Variants in PPP4R2 observed in about 807,000 individuals in gnomAD.
PPP4R2 encodes the protein serine/threonine-protein phosphatase 4 regulatory subunit 2.
In PPP4R2, 13 loss-of-function variants were observed where a neutral mutation model predicts 47.2. That is an observed-to-expected ratio of 0.28 (90% confidence interval 0.18 to 0.44). The LOEUF (loss-of-function observed/expected upper bound fraction) is 0.44, where lower values mean the gene tolerates loss of function less well. Among genes scored for constraint, PPP4R2 ranks in the 20% least tolerant of loss-of-function variants. The pLI is 1.00. For synonymous variants in PPP4R2, 151 were observed against 163.3 expected, an observed-to-expected ratio of 0.92 and a Z score of 0.57; for missense variants, 421 against 491.2, an observed-to-expected ratio of 0.86 and a Z score of 1.35.
intron 2 of PPP4R2, chr3:73,015,038 G>A (rs539260694): frequency 4.6e-5 from 26 of 569,646 alleles, no homozygotes; most frequent in Admixed American, 3.7e-4. Flanking sequence ...CTCCTGGCCT[G>A]TTTATTAATA....
intron 2 of PPP4R2, among the ~76,000 whole-genome samples, chr3:73,043,133 A>AT (rs1702412904): frequency 6.6e-6 from 1 of 152,188 alleles, no homozygotes; most frequent in South Asian, 2.1e-4. Flanking sequence ...AAAATTATTA[A>AT]TTTAAGAAAT....
At chr3:73,027,557 A>G (rs1702090015) in intron 2 of PPP4R2, among the ~76,000 whole-genome samples, 1 of 152,078 alleles carries the variant, frequency 6.6e-6, no homozygotes, top group African/African-American at 2.4e-5. Context: ...AGTGGGCTTC[A>G]GGATATTCAT....
chr3:73,067,856 G>A lies in PPP4R2; in HGVS notation c.*2134G>A, dbSNP rs544408846. 9.7e-4 allele frequency: 147 copies of A among 152,238 alleles called. No individual in the cohort carries two copies. The highest frequency in any genetic ancestry group is 3.5e-3 in the African/African-American group (145 of 41,540). 9.4% of individuals were successfully genotyped at this position (152,238 alleles called of 1,614,324 possible). On this transcript the variant is annotated 3_prime_UTR_variant, in exon 9 of 9. Coordinates refer to ENST00000356692, the MANE Select transcript of PPP4R2 (RefSeq NM_174907.4). ...CTTTATTAAATAAAGTACAATAATG[G>A]TGAATGTACCAAAATGACATCACTT...
intron 8 of PPP4R2, 54 bp from the exon 9 acceptor site, chr3:73,065,343 G>C (rs570261876): frequency 1.8e-5 from 26 of 1,484,772 alleles, no homozygotes; most frequent in Non-Finnish European, 2.4e-5. Context: ...AAACTTAACT[G>C]TGGAGGTATT....
intron 2 of PPP4R2, among the ~76,000 whole-genome samples, chr3:73,019,550 T>C (rs998041372): frequency 6.6e-6 from 1 of 152,144 alleles, no homozygotes; most frequent in East Asian, 1.9e-4. Flanking sequence ...ATTTTTGTAT[T>C]TTTAGTAGAG....
rs147685919 is a variant in PPP4R2 at position 72,999,032 on chromosome 3, T to A, written c.116+874T>A. Among the ~76,000 whole-genome samples, 6 of 152,332 alleles carry A rather than the reference T, an allele frequency of 3.9e-5. No homozygotes were observed. In the East Asian group the frequency reaches 1.2e-3, roughly 29 times the overall value. ...GCTTTATTATTAGCAAGTGTTCATT[T>A]CTCACAAGATTTGCTTATTTGTAGT... On this transcript the variant is annotated intron_variant, in intron 2 of 8. Coordinates refer to ENST00000356692, the MANE Select transcript of PPP4R2 (RefSeq NM_174907.4).
intron 2 of PPP4R2, among the ~76,000 whole-genome samples, chr3:73,026,887 G>C (rs998993910): frequency 6.6e-6 from 1 of 152,122 alleles, no homozygotes; most frequent in African/African-American, 2.4e-5. Flanking sequence ...AAGCCATAAA[G>C]CCTGGGTTGA....
In PPP4R2 at chr3:73,065,697, C is replaced by A. The variant is rs756806495; in HGVS notation, c.1229C>A (p.Thr410Asn). 1.2e-6 allele frequency: 2 copies of A among 1,606,040 alleles called. No homozygotes were observed. The highest frequency in any genetic ancestry group is 8.5e-7 in the Non-Finnish European group (1 of 1,173,942). ...AATGATGACGAAGCCACAGAAGTCA[C>A]CGATGAACCAATGGAACAAGACTAA... The part of the protein sequence containing the change: ...MENDDEATEV[T>N]DEPMEQD The change falls in exon 9 of 9, where the codon ACC becomes AAC. Residue 410 changes from threonine to asparagine, a missense_variant. By Grantham distance (65) the Thr-to-Asn change is moderately conservative. Coordinates refer to ENST00000356692, the MANE Select transcript of PPP4R2 (RefSeq NM_174907.4).
At chr3:73,013,024 A>T (rs2107230048) in intron 2 of PPP4R2, among the ~76,000 whole-genome samples, 1 of 150,542 alleles carries the variant, frequency 6.6e-6, no homozygotes, top group Admixed American at 6.6e-5. Context: ...GTAGATACTG[A>T]TACTTTTCTA....
At chr3:73,053,198 G>C (rs9840648) in intron 3 of PPP4R2, among the ~76,000 whole-genome samples, 1 of 152,028 alleles carries the variant, frequency 6.6e-6, no homozygotes, top group Admixed American at 6.5e-5. Context: ...TAGTTAAAAT[G>C]TACTTATTTG....
intron 2 of PPP4R2, among the ~76,000 whole-genome samples, chr3:73,028,866 G>A (rs1274133475): frequency 6.6e-6 from 1 of 152,296 alleles, no homozygotes; most frequent in Admixed American, 6.5e-5. Context: ...GGAGGTAAAG[G>A]GAATGGGGGA....
chr3:73,042,974 C>T (rs1044726610), intron 2 of PPP4R2, among the ~76,000 whole-genome samples: 6 of 152,132 alleles, frequency 3.9e-5, no homozygotes, highest in African/African-American at 9.7e-5. Context: ...TACCTCTTGT[C>T]TGGCTGTTCC....
chr3:73,066,262 A>ATATATATATATATATATAT lies in PPP4R2; in HGVS notation c.*540_*541insTATATATATATATATATAT. 6.3e-5 allele frequency: 9 copies of ATATATATATATATATATAT among 143,926 alleles called. No homozygotes were observed. Among genetic ancestry groups the ATATATATATATATATATAT allele is most frequent in the East Asian group, 2.0e-4 (1 of 5,086 alleles). 8.9% of individuals were successfully genotyped at this position (143,926 alleles called of 1,614,324 possible). On this transcript the variant is annotated 3_prime_UTR_variant, in exon 9 of 9. Coordinates refer to ENST00000356692, the MANE Select transcript of PPP4R2 (RefSeq NM_174907.4). ...TACATATATATATATATATATATAT[A>ATATATATATATATATATAT]ATTCTAAGGGGGGAAATGTTATATT...
At chr3:73,018,407 C>T (rs112929454) in intron 2 of PPP4R2, among the ~76,000 whole-genome samples, 6 of 96,026 alleles carry the variant, frequency 6.2e-5, no homozygotes, top group South Asian at 3.8e-4. Flanking sequence ...CTGTCATAGT[C>T]GTTATGTTAT....
At chr3:73,006,656 C>T (rs1423589914) in intron 2 of PPP4R2, among the ~76,000 whole-genome samples, 1 of 152,120 alleles carries the variant, frequency 6.6e-6, no homozygotes, top group African/African-American at 2.4e-5. Context: ...TGGGGCTTAC[C>T]TCTAGATTGG....
intron 2 of PPP4R2, among the ~76,000 whole-genome samples, chr3:73,036,228 G>A (rs1349814965): frequency 6.6e-6 from 1 of 152,118 alleles, no homozygotes; most frequent in African/African-American, 2.4e-5. Flanking sequence ...GTAGAATGAG[G>A]GTTATCAGAG....
At position 73,004,867 on chromosome 3, in the gene PPP4R2, GTGTTTGTT is replaced by G. The variant is rs10574001; in HGVS notation, c.116+6721_116+6728del. Among the ~76,000 whole-genome samples the G allele has an allele frequency of 5.1e-3, 398 of 78,590 alleles. 11 individuals carry two copies. The East Asian group carries it at 0.069, about 14-fold the overall frequency. The allele number at this position is 78,590 out of a possible 152,430, so 51.6% of individuals were successfully genotyped here. On this transcript the variant is annotated intron_variant, in intron 2 of 8. Transcript: ENST00000356692. ...GGGGTGTGTGTGTGTGTGTGTGTGT[GTGTTTGTT>G]TGTTTGTTTGTGTGTGTGTGTTTTG...
intron 2 of PPP4R2, among the ~76,000 whole-genome samples, chr3:73,006,824 C>G (rs1321292746): frequency 6.6e-6 from 1 of 152,176 alleles, no homozygotes; most frequent in Non-Finnish European, 1.5e-5. Flanking sequence ...CAATGAGTAC[C>G]TGTTGGCTAT....
intron 2 of PPP4R2, among the ~76,000 whole-genome samples, chr3:72,998,636 G>C (rs555406755): frequency 1.9e-4 from 29 of 152,222 alleles, no homozygotes; most frequent in African/African-American, 6.7e-4. Context: ...GGAGGACTCT[G>C]TTATTATCTG....
Sources: gnomAD v4.1 joint callset for allele counts (sites outside exome capture counted in the v4.1 genomes callset) on GRCh38, gnomAD v4.1.1 for gene constraint, MANE v1.5 for transcripts, NCBI Gene and HGNC (gene_info 2026-07-23, HGNC 2026-07-21) for gene names.